CNKSR3: variants seen among roughly 807,000 people sequenced by gnomAD.
CNKSR3 encodes connector enhancer of kinase suppressor of ras 3.
Under a neutral mutation model 67.7 loss-of-function variants are expected in CNKSR3, and 36 were observed. That is an observed-to-expected ratio of 0.53 (90% CI 0.41 to 0.70). CNKSR3 has a LOEUF of 0.70. Ranked by LOEUF, CNKSR3 falls within the 30% of genes least tolerant of loss-of-function variation. The probability of loss-of-function intolerance (pLI) is 0.00; values close to 1 mark genes in which losing one functional copy is unlikely to be tolerated. For synonymous variants in CNKSR3, 281 were observed against 271.4 expected, an observed-to-expected ratio of 1.04 and a Z score of -0.35; for missense variants, 630 against 695.2, an observed-to-expected ratio of 0.91 and a Z score of 1.05.
At chr6:154,424,637 C>T (rs967178343) in intron 7 of CNKSR3, among the ~76,000 whole-genome samples, 3 of 152,204 alleles carry the variant, frequency 2.0e-5, no homozygotes, top group African/African-American at 7.2e-5. Flanking sequence ...TTGATTTTAT[C>T]TAGGCCTCAT....
intron 1 of CNKSR3, among the ~76,000 whole-genome samples, chr6:154,489,957 T>C (rs1419372665): frequency 1.3e-5 from 2 of 152,118 alleles, no homozygotes; most frequent in African/African-American, 2.4e-5. Context: ...ACTTCCGCCG[T>C]CTGGGCTCCT....
chr6:154,406,516 T>C lies in CNKSR3; in HGVS notation c.1506A>G (p.Gly502=), dbSNP rs200418721. The C allele has an allele frequency of 1.2e-6, 2 of 1,614,080 alleles. No homozygotes were observed. Among genetic ancestry groups the C allele is most frequent in the Admixed American group, 3.3e-5 (2 of 60,022 alleles). Residue 502 remains glycine, a synonymous_variant, in exon 13 of 13, where the codon GGA becomes GGG. Coordinates refer to ENST00000607772, the MANE Select transcript of CNKSR3 (RefSeq NM_173515.4). ...GATCTGAGTTGATGTAGCACCTGCT[T>C]CCTCGGATGTAGTCCGCACCCCGGA... The part of the protein sequence containing the change: ...HLVRGADYIR[G]SRCYINSDLH...
chr6:154,421,334 C>T (rs1238032307), intron 9 of CNKSR3, among the ~76,000 whole-genome samples: 1 of 152,152 alleles, frequency 6.6e-6, no homozygotes, highest in Non-Finnish European at 1.5e-5. Context: ...TTATTTTTAA[C>T]CTCTCTTCTG....
intron 1 of CNKSR3, among the ~76,000 whole-genome samples, chr6:154,509,314 C>G (rs1787165433): frequency 6.7e-6 from 1 of 149,776 alleles, no homozygotes; most frequent in Non-Finnish European, 1.5e-5. Flanking sequence ...ACCACCCCCC[C>G]ACCGCCCCAG....
chr6:154,489,801 A>C (rs1252909188), intron 1 of CNKSR3, among the ~76,000 whole-genome samples: 1 of 152,166 alleles, frequency 6.6e-6, no homozygotes, highest in African/African-American at 2.4e-5. Flanking sequence ...ACCAGAGTGA[A>C]GTCTCTGAAC....
chr6:154,451,139 T>TA (rs11370549), intron 1 of CNKSR3, among the ~76,000 whole-genome samples: 106,900 of 152,050 alleles, frequency 0.7, 37,936 homozygotes, highest in East Asian at 0.9. Context: ...TGGGTTCGCT[T>TA]ACGGGAATTT....
At position 154,395,042 on chromosome 6, in the gene CNKSR3, A is replaced by G. The variant is rs191248100; in HGVS notation, c.*11312T>C. The G allele has an allele frequency of 2.4e-4, 37 of 152,428 alleles. No homozygotes were observed. The highest frequency in any genetic ancestry group is 7.9e-4 in the African/African-American group (33 of 41,580). 9.4% of individuals were successfully genotyped at this position (152,428 alleles called of 1,614,324 possible). A position where few individuals can be genotyped will look rare whatever the true frequency, so the allele number is the denominator to read the frequency against. ...GGCTAAAGACCAGAGCAAGAGACCA[A>G]AATGCAGGGAGTACAGGTGGAAAAG... On this transcript the variant is annotated 3_prime_UTR_variant, in exon 13 of 13. Transcript: ENST00000607772.
chr6:154,413,756 T>C (rs1784956542), intron 10 of CNKSR3, among the ~76,000 whole-genome samples: 2 of 152,024 alleles, frequency 1.3e-5, no homozygotes, highest in South Asian at 4.1e-4. Context: ...TATCCTTTTG[T>C]TTCTTTTTTG....
intron 9 of CNKSR3, among the ~76,000 whole-genome samples, chr6:154,416,628 A>T (rs556991352): frequency 1.3e-5 from 2 of 152,130 alleles, no homozygotes; most frequent in Admixed American, 6.5e-5. Context: ...CTTTTCTATG[A>T]TAGGACAACA....
intron 2 of CNKSR3, among the ~76,000 whole-genome samples, chr6:154,448,331 T>C (rs1344316394): frequency 6.6e-6 from 1 of 150,740 alleles, no homozygotes; most frequent in East Asian, 2.0e-4. Flanking sequence ...CCTCAAAGTA[T>C]TACTGCAAAG....
At chr6:154,480,058 C>T (rs914250826) in intron 1 of CNKSR3, among the ~76,000 whole-genome samples, 62 of 152,164 alleles carry the variant, frequency 4.1e-4, no homozygotes, top group Admixed American at 2.6e-4. Flanking sequence ...TAAACTTTCT[C>T]GTTGTTGGCT....
intron 1 of CNKSR3, among the ~76,000 whole-genome samples, chr6:154,461,118 T>C (rs1174892119): frequency 6.6e-6 from 1 of 152,152 alleles, no homozygotes; most frequent in East Asian, 1.9e-4. Context: ...ACCCACACAG[T>C]GGCTCATGGA....
chr6:154,450,311 C>A, intron 1 of CNKSR3, 53 bp from the exon 2 acceptor site: 2 of 1,558,420 alleles, frequency 1.3e-6, no homozygotes, highest in Non-Finnish European at 1.8e-6. Flanking sequence ...CTTTACCCAC[C>A]CCCTGCAAAC....
At position 154,398,393 on chromosome 6, in the gene CNKSR3, T is replaced by C. The variant is rs1784683203; in HGVS notation, c.*7961A>G. 1 of 152,228 alleles carries C rather than the reference T, an allele frequency of 6.6e-6. No homozygotes were observed. The highest frequency in any genetic ancestry group is 1.5e-5 in the Non-Finnish European group (1 of 68,038). 9.4% of individuals were successfully genotyped at this position (152,228 alleles called of 1,614,324 possible). ...GCCGAACAACCATTTTTTACTTCCC[T>C]TTGTCTCTCCCATAGCTTCTCTTTC... On this transcript the variant is annotated 3_prime_UTR_variant, in exon 13 of 13. Transcript: ENST00000607772.
At chr6:154,477,724 G>A (rs2114634995) in intron 1 of CNKSR3, among the ~76,000 whole-genome samples, 1 of 152,288 alleles carries the variant, frequency 6.6e-6, no homozygotes. Context: ...CCCACCCAAG[G>A]TAGCCTGAAG....
At chr6:154,448,223 C>T (rs1304608252) in intron 2 of CNKSR3, among the ~76,000 whole-genome samples, 9 of 152,018 alleles carry the variant, frequency 5.9e-5, no homozygotes, top group Admixed American at 5.9e-4. Context: ...TGCCCAGAGG[C>T]AGCTGTTACG....
chr6:154,510,262 C>G lies in CNKSR3; in HGVS notation c.-148G>C. 1 of 812,638 alleles carries G rather than the reference C, an allele frequency of 1.2e-6. No homozygotes were observed. The highest frequency in any genetic ancestry group is 2.0e-6 in the Non-Finnish European group (1 of 506,838). 50.3% of individuals were successfully genotyped at this position (812,638 alleles called of 1,614,324 possible). On this transcript the variant is annotated 5_prime_UTR_variant, in exon 1 of 13. Transcript: ENST00000607772. ...TCAAGACTGCATGGCCGCGGTCAGCCAGTCGTCCCAGCGCGGCTCCGCCAG... is the reference window on the plus strand; with the variant it reads ...TCAAGACTGCATGGCCGCGGTCAGCGAGTCGTCCCAGCGCGGCTCCGCCAG...
chr6:154,405,806 A>G lies in CNKSR3; in HGVS notation c.*548T>C, dbSNP rs1164438868. The G allele has an allele frequency of 6.3e-6, 1 of 157,714 alleles. No homozygotes were observed. The highest frequency in any genetic ancestry group is 1.4e-5 in the Non-Finnish European group (1 of 71,408). 9.8% of individuals were successfully genotyped at this position (157,714 alleles called of 1,614,324 possible). On this transcript the variant is annotated 3_prime_UTR_variant, in exon 13 of 13. Coordinates refer to ENST00000607772, the MANE Select transcript of CNKSR3 (RefSeq NM_173515.4). ...TATCAAACAAGTGTAACAGGCCTACACTTAAACCTCTGCCTCAAAGGAGAA... is the reference window on the plus strand; with the variant it reads ...TATCAAACAAGTGTAACAGGCCTACGCTTAAACCTCTGCCTCAAAGGAGAA...
intron 9 of CNKSR3, among the ~76,000 whole-genome samples, chr6:154,421,645 A>G (rs987971476): frequency 2.0e-5 from 3 of 151,828 alleles, no homozygotes; most frequent in African/African-American, 7.3e-5. Flanking sequence ...TCAGTCTTCT[A>G]TTATCAGCGC....
Sources: gnomAD v4.1 joint callset for allele counts (sites outside exome capture counted in the v4.1 genomes callset) on GRCh38, gnomAD v4.1.1 for gene constraint, MANE v1.5 for transcripts, NCBI Gene and HGNC (gene_info 2026-07-23, HGNC 2026-07-21) for gene names.